The following ST8SIA6 variants were observed in gnomAD, a reference collection of about 807,000 sequenced individuals.
The protein encoded by ST8SIA6 is ST8 alpha-N-acetyl-neuraminide alpha-2,8-sialyltransferase 6.
In ST8SIA6, 39 loss-of-function variants were observed where a neutral mutation model predicts 33.6. The observed-to-expected ratio is 1.16, with a 90% confidence interval of 0.90 to 1.52. The LOEUF is 1.52. Ranked by LOEUF, ST8SIA6 falls within the 40% of genes most tolerant of loss-of-function variation. ST8SIA6 has a pLI of 0.00. For synonymous variants in ST8SIA6, 172 were observed against 167.2 expected (o/e 1.03, Z -0.22); for missense variants, 441 against 443.8 (o/e 0.99, Z 0.06).
At chr10:17,335,707 G>C (rs762289557) in intron 4 of ST8SIA6, among the ~76,000 whole-genome samples, 8 of 152,092 alleles carry the variant, frequency 5.3e-5, no homozygotes, top group Non-Finnish European at 8.8e-5. Context: ...ATACTAAGTA[G>C]TTTTTAATTA....
In ST8SIA6 at chr10:17,316,987, A is replaced by G. The variant is rs1847795329; in HGVS notation, c.*3891T>C. On this transcript the variant is annotated 3_prime_UTR_variant, in exon 8 of 8. Coordinates refer to ENST00000377602, the MANE Select transcript of ST8SIA6 (RefSeq NM_001004470.3). Reference sequence around the variant, plus strand: ...CCATCCTTTCTTAACCCAACTATTTAAAAAGATATTTTTGGGTCATGTTGA... The same window carrying G: ...CCATCCTTTCTTAACCCAACTATTTGAAAAGATATTTTTGGGTCATGTTGA... 6.6e-6 allele frequency among the ~76,000 whole-genome samples: 1 copy of G among 151,852 alleles called. No individual in the cohort carries two copies. The highest frequency in any genetic ancestry group is 1.5e-5 in the Non-Finnish European group (1 of 68,018).
intron 7 of ST8SIA6, among the ~76,000 whole-genome samples, chr10:17,322,293 AAG>A (rs1162623652): frequency 3.3e-5 from 5 of 151,828 alleles, no homozygotes; most frequent in Non-Finnish European, 4.4e-5. Flanking sequence ...GAAGGAAGGA[AAG>A]AGGGAAAGAA....
chr10:17,427,408 C>T (rs1851972510), intron 2 of ST8SIA6, among the ~76,000 whole-genome samples: 1 of 152,178 alleles, frequency 6.6e-6, no homozygotes, highest in Non-Finnish European at 1.5e-5. Context: ...GGTTCTACAA[C>T]CAAAGGTTTT....
At chr10:17,416,282 A>T (rs1206346201) in intron 2 of ST8SIA6, among the ~76,000 whole-genome samples, 1 of 152,046 alleles carries the variant, frequency 6.6e-6, no homozygotes, top group African/African-American at 2.4e-5. Context: ...ATACCCTAGA[A>T]CTTGCTCCTA....
intron 4 of ST8SIA6, among the ~76,000 whole-genome samples, chr10:17,349,973 T>C (rs1848977756): frequency 2.6e-5 from 4 of 151,930 alleles, no homozygotes; most frequent in African/African-American, 4.8e-5. Flanking sequence ...CAAATGAAAA[T>C]GTATTAATCG....
At chr10:17,400,510 T>C (rs926963132) in intron 2 of ST8SIA6, among the ~76,000 whole-genome samples, 1 of 152,158 alleles carries the variant, frequency 6.6e-6, no homozygotes, top group African/African-American at 2.4e-5. Context: ...CCATCCTGGG[T>C]GATAAAGTGA....
chr10:17,384,860 T>TC (rs1439200554), intron 3 of ST8SIA6, among the ~76,000 whole-genome samples: 2 of 151,836 alleles, frequency 1.3e-5, no homozygotes, highest in Non-Finnish European at 2.9e-5. Flanking sequence ...TGTAGCTTTT[T>TC]CCCCCTTCCT....
intron 2 of ST8SIA6, among the ~76,000 whole-genome samples, chr10:17,392,757 A>G (rs1040823779): frequency 6.6e-6 from 1 of 152,176 alleles, no homozygotes; most frequent in Non-Finnish European, 1.5e-5. Context: ...ATGTGATAAC[A>G]ACGTCAAGCT....
In ST8SIA6 at chr10:17,454,030, G is replaced by T. The variant is rs560899094; in HGVS notation, c.101+125C>A. ...CTCCACTCTCAGGCCGTCGCCGCCC[G>T]TGGGCTGCTCCCCGCCGCGGCCAAA... On this transcript the variant is annotated intron_variant, in intron 1 of 7. Coordinates refer to ENST00000377602, the MANE Select transcript of ST8SIA6 (RefSeq NM_001004470.3). This position sits in a 1 kb window ranked among gnomAD's most constrained non-coding sequence, Gnocchi z 4.1. 1,332 of 251,824 alleles carry T rather than the reference G, an allele frequency of 5.3e-3. 13 individuals carry two copies. Among genetic ancestry groups the T allele is most frequent in the African/African-American group, 0.028 (1,240 of 44,312 alleles). The allele number at this position is 251,824 out of a possible 1,614,324, so 15.6% of individuals were successfully genotyped here.
At chr10:17,355,002 T>G (rs780319442) in intron 4 of ST8SIA6, among the ~76,000 whole-genome samples, 44 of 152,224 alleles carry the variant, frequency 2.9e-4, no homozygotes, top group Non-Finnish European at 5.7e-4. Flanking sequence ...CACAATTAAG[T>G]GCTGAATGAG....
chr10:17,405,833 G>A (rs1324594354), intron 2 of ST8SIA6, among the ~76,000 whole-genome samples: 3 of 145,360 alleles, frequency 2.1e-5, no homozygotes, highest in African/African-American at 5.1e-5. Context: ...AGTGAGCCAC[G>A]ATCATGCCAT....
chr10:17,351,369 T>G (rs985394485), intron 4 of ST8SIA6, among the ~76,000 whole-genome samples: 3 of 150,852 alleles, frequency 2.0e-5, no homozygotes, highest in Non-Finnish European at 4.4e-5. Context: ...ATTTGTTAAA[T>G]GGGGTTAAAA....
At chr10:17,380,861 A>ATGTGTGTATGTG (rs1422491526) in intron 3 of ST8SIA6, among the ~76,000 whole-genome samples, 1 of 150,200 alleles carries the variant, frequency 6.7e-6, no homozygotes, top group Non-Finnish European at 1.5e-5. Context: ...GTTTGTGTGT[A>ATGTGTGTATGTG]TGTGTTTGTA....
At chr10:17,332,342 G>T (rs1038900745) in intron 4 of ST8SIA6, among the ~76,000 whole-genome samples, 6 of 152,022 alleles carry the variant, frequency 3.9e-5, no homozygotes, top group African/African-American at 1.5e-4. Flanking sequence ...TGGTATTTCT[G>T]GTTCTAGATC....
Position 17,331,562 on chromosome 10 carries a change from A to G in ST8SIA6, c.378-10T>C, listed in dbSNP as rs768328301. 1.2e-5 allele frequency: 19 copies of G among 1,591,780 alleles called. No homozygotes were observed. Among genetic ancestry groups the G allele is most frequent in the Admixed American group, 1.8e-5 (1 of 54,214 alleles). On this transcript the variant is annotated splice_polypyrimidine_tract_variant and intron_variant, in intron 4 of 7. Coordinates refer to ENST00000377602, the MANE Select transcript of ST8SIA6 (RefSeq NM_001004470.3). ...GGAAGCAAGTTTGGCTCTGCAAAGG[A>G]AAAGGATGAAAAGGAAGCCAAAGTA...
At chr10:17,331,386 C>T (rs1369126838) in intron 5 of ST8SIA6, 22 bp downstream of exon 5, 1 of 1,588,766 alleles carries the variant, frequency 6.3e-7, no homozygotes, top group Admixed American at 1.8e-5. Flanking sequence ...ACACAAATAA[C>T]CCACCAGAAA....
At chr10:17,379,316 T>TGAG (rs749569454) in intron 3 of ST8SIA6, among the ~76,000 whole-genome samples, 8,388 of 149,950 alleles carry the variant, frequency 0.056, 318 homozygotes, top group African/African-American at 0.11. Context: ...AGAGAAAGAG[T>TGAG]AAGAATGAGA....
intron 2 of ST8SIA6, among the ~76,000 whole-genome samples, chr10:17,404,552 C>A (rs1851178217): frequency 6.6e-6 from 1 of 152,166 alleles, no homozygotes; most frequent in African/African-American, 2.4e-5. Flanking sequence ...TGGCCAGAAT[C>A]CCCTATGCTT....
At chr10:17,413,673 T>G (rs183706916) in intron 2 of ST8SIA6, among the ~76,000 whole-genome samples, 384 of 152,294 alleles carry the variant, frequency 2.5e-3, no homozygotes, top group African/African-American at 7.2e-3. Context: ...ATAAGCAGAA[T>G]AAACAATTTT....
Sources: allele counts gnomAD v4.1 joint callset (sites outside exome capture counted in the v4.1 genomes callset), GRCh38; gene constraint gnomAD v4.1.1; non-coding constraint Gnocchi (gnomAD v3.1); transcripts MANE v1.5; gene names NCBI Gene and HGNC (gene_info 2026-07-23, HGNC 2026-07-21).